The following FAM114A1 variants were observed in gnomAD, a reference collection of about 807,000 sequenced individuals.
The protein encoded by FAM114A1 is family with sequence similarity 114 member A1, also known as protein NOXP20.
FAM114A1 carries 62 observed loss-of-function variants against 64.3 expected under a neutral mutation model. The observed-to-expected ratio is 0.96, with a 90% CI of 0.79 to 1.19. The LOEUF (loss-of-function observed/expected upper bound fraction) is 1.19, where lower values mean the gene tolerates loss of function less well. Ranked by LOEUF, FAM114A1 falls within the 50% of genes most tolerant of loss-of-function variation. The pLI is 0.00. For missense variants in FAM114A1, 645 were observed against 676.3 expected, an observed-to-expected ratio of 0.95 and a Z score of 0.51; for synonymous variants, 254 against 251.1, an observed-to-expected ratio of 1.01 and a Z score of -0.11.
At chr4:38,929,060 A>G in intron 9 of FAM114A1, 182 bp from the exon 10 acceptor site, 2 of 583,904 alleles carry the variant, frequency 3.4e-6, no homozygotes, top group South Asian at 1.8e-5. Context: ...ACCCGGATGC[A>G]TCTGCTGCCT....
At chr4:38,877,951 C>T (rs573996504) in intron 2 of FAM114A1, 120 bp from the exon 3 acceptor site, 121 of 802,968 alleles carry the variant, frequency 1.5e-4, no homozygotes, top group East Asian at 1.4e-3. Flanking sequence ...GCAACAAGAG[C>T]GAAACTCCGT....
rs1721762608 is a variant in FAM114A1, at chr4:38,943,778, A to G, written c.*221A>G. 2 of 401,326 alleles carry G rather than the reference A, an allele frequency of 5.0e-6. No homozygotes were observed. Among genetic ancestry groups the G allele is most frequent in the African/African-American group, 3.9e-5 (2 of 50,736 alleles). The allele number at this position is 401,326 out of a possible 1,614,324, so 24.9% of individuals were successfully genotyped here. On this transcript the variant is annotated 3_prime_UTR_variant, in exon 15 of 15. Transcript: ENST00000358869. ...CAAACAATTGTGTTTTCTTTATGTT[A>G]ATTTAAACTTACACAGCTTATATTG...
At chr4:38,934,296 G>A (rs1720900661) in intron 12 of FAM114A1, among the ~76,000 whole-genome samples, 1 of 152,134 alleles carries the variant, frequency 6.6e-6, no homozygotes, top group African/African-American at 2.4e-5. Context: ...TGATTTGCCT[G>A]TACAATAAGT....
chr4:38,920,378 A>G (rs918437054), intron 8 of FAM114A1, among the ~76,000 whole-genome samples: 5 of 152,230 alleles, frequency 3.3e-5, no homozygotes. Context: ...TGTGCCAAGC[A>G]TATAGTCAGC....
At chr4:38,911,245 C>G (rs1718500747) in intron 7 of FAM114A1, among the ~76,000 whole-genome samples, 1 of 152,204 alleles carries the variant, frequency 6.6e-6, no homozygotes, top group Admixed American at 6.5e-5. Context: ...GTGAAAGTGT[C>G]CCAGACTGCA....
At position 38,878,196 on chromosome 4, in the gene FAM114A1, T is replaced by G. The variant is rs777093432; in HGVS notation, c.118T>G (p.Ser40Ala). The change falls in exon 3 of 15, where the codon TCA becomes GCA. Residue 40 changes from serine (S) to alanine (A), a missense_variant. Transcript: ENST00000358869. ...AGTGCATTGTGATTCAGCTGCAGTT[T>G]CACATGAGCCAACACCAGCTGACCC... ...AEVHCDSAAV[S>A]HEPTPADPRG... 6.8e-6 allele frequency: 11 copies of G among 1,614,108 alleles called. No homozygotes were observed. In the South Asian group the frequency reaches 1.2e-4, roughly 18 times the overall value.
At chr4:38,906,078 A>C (rs1032638319) in intron 6 of FAM114A1, among the ~76,000 whole-genome samples, 1 of 152,200 alleles carries the variant, frequency 6.6e-6, no homozygotes, top group Admixed American at 6.5e-5. Flanking sequence ...GTTTAAAAGA[A>C]GGGAGCTGTT....
chr4:38,942,726 C>T (rs963310631), intron 14 of FAM114A1, among the ~76,000 whole-genome samples: 1 of 152,082 alleles, frequency 6.6e-6, no homozygotes. Flanking sequence ...GAATAACTGC[C>T]CAATAGTATC....
In FAM114A1 at chr4:38,929,316, C is replaced by T; in HGVS notation, c.1144C>T (p.Pro382Ser). The T allele has an allele frequency of 6.2e-7, 1 of 1,613,392 alleles. No homozygotes were observed. The highest frequency in any genetic ancestry group is 8.5e-7 in the Non-Finnish European group (1 of 1,179,430). The change falls in exon 10 of 15, where the codon CCT becomes TCT. Residue 382 changes from proline to serine, a missense_variant. By Grantham distance (74) the Pro-to-Ser change is moderately conservative (BLOSUM62 -1). Transcript: ENST00000358869. ...CTTTGAATTACATGTGGCGGCCACACCTGACAAACTCAATAAGGTCAGCAC... is the reference window on the plus strand; with the variant it reads ...CTTTGAATTACATGTGGCGGCCACATCTGACAAACTCAATAAGGTCAGCAC... ...LLFELHVAAT[P>S]DKLNKAMKRA...
rs374208471 is a variant in FAM114A1, at chr4:38,878,422, A to G, written c.344A>G (p.Tyr115Cys). 6.9e-6 allele frequency: 11 copies of G among 1,584,962 alleles called. No individual in the cohort carries two copies. The highest frequency in any genetic ancestry group is 8.6e-6 in the Non-Finnish European group (10 of 1,164,428). ...RSEIPLQEQN[Y>C]LAVDSPPSGG... is the part of the protein sequence containing the mutation. ...GAAATACCCCTGCAAGAACAGAATTATCTGGTAAGAATGGGTCATTCAATT... is the reference window on the plus strand; with the variant it reads ...GAAATACCCCTGCAAGAACAGAATTGTCTGGTAAGAATGGGTCATTCAATT... The change falls in exon 3 of 15, where the codon TAT (tyrosine) becomes TGT (cysteine). Residue 115 changes from tyrosine (Y) to cysteine (C), a missense_variant. Tyr to Cys is a radical substitution (Grantham distance 194). Coordinates refer to ENST00000358869, the MANE Select transcript of FAM114A1 (RefSeq NM_138389.4).
At position 38,905,859 on chromosome 4, in the gene FAM114A1, A is replaced by G. The variant is rs1717951214; in HGVS notation, c.655A>G (p.Thr219Ala). ...LSAITNVVQN[T>A]GKSVLTGGLD... ...TGCCATCACCAATGTGGTTCAAAAC[A>G]CAGTGAGTCGCTGGCTGCTTCCTCT... The change falls in exon 6 of 15, where the codon ACA (threonine) becomes GCA (alanine). Residue 219 changes from threonine (T) to alanine (A), a missense_variant and splice_region_variant. Physicochemically the swap from Thr to Ala is moderately conservative, Grantham distance 58 (BLOSUM62 0). Coordinates refer to ENST00000358869, the MANE Select transcript of FAM114A1 (RefSeq NM_138389.4). 1.9e-6 allele frequency: 3 copies of G among 1,608,856 alleles called. No individual in the cohort carries two copies. Among genetic ancestry groups the G allele is most frequent in the Non-Finnish European group, 8.5e-7 (1 of 1,178,656 alleles).
chr4:38,939,964 C>T (rs181599736), intron 13 of FAM114A1, among the ~76,000 whole-genome samples: 79 of 150,748 alleles, frequency 5.2e-4, no homozygotes, highest in African/African-American at 1.9e-3. Context: ...TCTCGGCTCA[C>T]TGCAACCACT....
chr4:38,905,895 T>C (rs1199400626), intron 6 of FAM114A1, 34 bp downstream of exon 6: 2 of 1,565,988 alleles, frequency 1.3e-6, no homozygotes, highest in Non-Finnish European at 1.7e-6. Flanking sequence ...CTTTCCCCTG[T>C]ATTTCCCAGG....
rs113603278 is a variant in FAM114A1, at chr4:38,940,340, T to C, written c.1537-628T>C. On this transcript the variant is annotated intron_variant, in intron 13 of 14. Coordinates refer to ENST00000358869, the MANE Select transcript of FAM114A1 (RefSeq NM_138389.4). ...TTTGCTGCTCTTCTAGAAGATGCCC[T>C]ATAACCAAGTTTCTATGTTTGCATT... is the stretch of plus-strand genomic sequence containing the variant. 4.6e-3 allele frequency among the ~76,000 whole-genome samples: 698 copies of C among 151,592 alleles called. 5 individuals are homozygous for C. The highest frequency in any genetic ancestry group is 0.028 in the Middle Eastern group (8 of 290).
At chr4:38,914,785 T>G in intron 7 of FAM114A1, 136 bp from the exon 8 acceptor site, 1 of 960,772 alleles carries the variant, frequency 1.0e-6, no homozygotes, top group African/African-American at 1.6e-5. Context: ...AAAAATCATT[T>G]TTTAGAAATT....
intron 4 of FAM114A1, among the ~76,000 whole-genome samples, chr4:38,899,533 T>C (rs1717302427): frequency 6.6e-6 from 1 of 152,198 alleles, no homozygotes; most frequent in African/African-American, 2.4e-5. Flanking sequence ...CAGCACTATC[T>C]GTGTGTGCTG....
intron 3 of FAM114A1, among the ~76,000 whole-genome samples, chr4:38,884,893 C>A (rs1184858373): frequency 6.6e-6 from 1 of 152,208 alleles, no homozygotes; most frequent in Non-Finnish European, 1.5e-5. Context: ...TCCTTTGTAA[C>A]ACCCTATTCA....
intron 8 of FAM114A1, among the ~76,000 whole-genome samples, chr4:38,918,470 A>G (rs1317347105): frequency 6.6e-6 from 1 of 152,226 alleles, no homozygotes; most frequent in Non-Finnish European, 1.5e-5. Context: ...CGTAGCGAAT[A>G]AAAATACGGG....
intron 4 of FAM114A1, among the ~76,000 whole-genome samples, chr4:38,898,942 T>TTATATGTTATATATTATATATGTAATA (rs1553865914): frequency 7.6e-5 from 11 of 144,384 alleles, no homozygotes; most frequent in African/African-American, 2.9e-4. Flanking sequence ...TGTTATATAT[T>TTATATGTTATATATTATATATGTAATA]TATATGTTAT....
Sources: gnomAD v4.1 joint callset for allele counts (sites outside exome capture counted in the v4.1 genomes callset) on GRCh38, gnomAD v4.1.1 for gene constraint, MANE v1.5 for transcripts, NCBI Gene and HGNC (gene_info 2026-07-23, HGNC 2026-07-21) for gene names.